The following DCP2 variants were observed in gnomAD, a reference collection of about 807,000 sequenced individuals.
The protein encoded by DCP2 is m7GpppN-mRNA hydrolase.
DCP2 carries 30 observed loss-of-function variants against 56.1 expected under a neutral mutation model. That is an observed-to-expected ratio of 0.53 (90% CI 0.40 to 0.73). The LOEUF is 0.73. Ranked by LOEUF, DCP2 falls within the 30% of genes least tolerant of loss-of-function variation. The pLI is 0.00. For synonymous variants in DCP2, 197 were observed against 163.3 expected (o/e 1.21, Z -1.57); for missense variants, 533 against 502.7 (o/e 1.06, Z -0.58).
At chr5:112,978,255 G>A (rs764340580) in intron 1 of DCP2, among the ~76,000 whole-genome samples, 2 of 152,168 alleles carry the variant, frequency 1.3e-5, no homozygotes, top group Non-Finnish European at 2.9e-5. Flanking sequence ...GATTACAGGC[G>A]TGAGCCATCG....
At chr5:112,977,825 A>C (rs1747789930) in intron 1 of DCP2, among the ~76,000 whole-genome samples, 1 of 152,202 alleles carries the variant, frequency 6.6e-6, no homozygotes, top group Admixed American at 6.5e-5. Context: ...GATTGTGATT[A>C]CAAGTGATAA....
chr5:112,988,381 A>G (rs536279628), intron 2 of DCP2, among the ~76,000 whole-genome samples: 1 of 149,878 alleles, frequency 6.7e-6, no homozygotes, highest in Non-Finnish European at 1.5e-5. Context: ...AGTCCCAGCT[A>G]CTCCGGAGGC....
chr5:113,020,867 GGTT>G lies in DCP2; in HGVS notation c.*7387_*7389del, dbSNP rs1314002721. 1 of 152,184 alleles carries G rather than the reference GGTT, an allele frequency of 6.6e-6. No individual in the cohort carries two copies. The highest frequency in any genetic ancestry group is 1.5e-5 in the Non-Finnish European group (1 of 68,032). 9.4% of individuals were successfully genotyped at this position (152,184 alleles called of 1,614,324 possible). On this transcript the variant is annotated 3_prime_UTR_variant, in exon 11 of 11. Transcript: ENST00000389063. Reference sequence around the variant, plus strand: ...ACAAAATACAATTTGAACGATGGAAGGTTGTTCAGATACTGGCTTTCTGTAAAA... The same window carrying G: ...ACAAAATACAATTTGAACGATGGAAGGTTCAGATACTGGCTTTCTGTAAAA...
chr5:112,984,397 A>T (rs1464485000), intron 1 of DCP2: 1 of 152,110 alleles, frequency 6.6e-6, no homozygotes, highest in South Asian at 2.1e-4. Flanking sequence ...CTTGAGTTGT[A>T]TATACTGGGC....
chr5:112,996,279 T>C (rs1748845072), intron 4 of DCP2, among the ~76,000 whole-genome samples: 1 of 152,232 alleles, frequency 6.6e-6, no homozygotes, highest in African/African-American at 2.4e-5. Context: ...AACCAGATGG[T>C]TATTCCATTC....
intron 1 of DCP2, among the ~76,000 whole-genome samples, chr5:112,982,967 C>A (rs181076368): frequency 1.6e-4 from 25 of 152,276 alleles, no homozygotes; most frequent in South Asian, 4.2e-4. Flanking sequence ...CTGGCTCTTA[C>A]ACTTGAGGGT....
At chr5:113,000,061 C>CAAAA (rs60251393) in intron 4 of DCP2, among the ~76,000 whole-genome samples, 41 of 89,804 alleles carry the variant, frequency 4.6e-4, no homozygotes, top group Non-Finnish European at 5.3e-4. Flanking sequence ...AACTCCATCT[C>CAAAA]AAAAAAAAAA....
At position 113,013,541 on chromosome 5, in the gene DCP2, G is replaced by C; in HGVS notation, c.*57G>C. 3 of 1,590,350 alleles carry C rather than the reference G, an allele frequency of 1.9e-6. No individual in the cohort carries two copies. The highest frequency in any genetic ancestry group is 2.6e-6 in the Non-Finnish European group (3 of 1,163,982). On this transcript the variant is annotated 3_prime_UTR_variant, in exon 11 of 11. Transcript: ENST00000389063. ...TCAGAGACCTGTTGAATTTGAGTGGGTGTCTCCTCAAGCCTTACCTTTCTC... is the reference window on the plus strand; with the variant it reads ...TCAGAGACCTGTTGAATTTGAGTGGCTGTCTCCTCAAGCCTTACCTTTCTC...
At chr5:112,990,836 A>G (rs1748554415) in intron 2 of DCP2, among the ~76,000 whole-genome samples, 1 of 152,174 alleles carries the variant, frequency 6.6e-6, no homozygotes, top group Non-Finnish European at 1.5e-5. Context: ...TAAATTACAG[A>G]ATTGTAGAAC....
At position 113,013,889 on chromosome 5, in the gene DCP2, A is replaced by G. The variant is rs1360825837; in HGVS notation, c.*405A>G. The G allele has an allele frequency of 6.4e-6, 1 of 155,460 alleles. No individual in the cohort carries two copies. The highest frequency in any genetic ancestry group is 1.4e-5 in the Non-Finnish European group (1 of 70,216). The allele number at this position is 155,460 out of a possible 1,614,324, so 9.6% of individuals were successfully genotyped here. On this transcript the variant is annotated 3_prime_UTR_variant, in exon 11 of 11. Transcript: ENST00000389063. ...GAGTTTTTCAAAGAAACTTAAAGTA[A>G]TGCCCAATTATTAAATGAACACAAG...
At chr5:113,000,203 C>A (rs1426089603) in intron 4 of DCP2, among the ~76,000 whole-genome samples, 2 of 152,118 alleles carry the variant, frequency 1.3e-5, no homozygotes, top group Admixed American at 1.3e-4. Flanking sequence ...AGTGATCCTC[C>A]CTCTTTGGCC....
intron 4 of DCP2, among the ~76,000 whole-genome samples, chr5:112,998,991 A>G (rs1260315693): frequency 6.6e-6 from 1 of 152,176 alleles, no homozygotes; most frequent in Non-Finnish European, 1.5e-5. Context: ...TTGCCTACCC[A>G]GGATCCAATC....
rs1378346690 is a variant in DCP2 at position 112,992,154 on chromosome 5, G to A, written c.239G>A (p.Gly80Asp). Residue 80 changes from glycine (G) to aspartate (D), a missense_variant, in exon 3 of 11, where the codon GGT becomes GAT. Coordinates refer to ENST00000389063, the MANE Select transcript of DCP2 (RefSeq NM_152624.6). ...FSHCPFLLPQ[G>D]EDVEKVLDEW... Reference sequence around the variant, plus strand: ...CATTGTCCGTTTTTGCTGCCTCAAGGTGAAGATGTGGAAAAAGTTTTGGAT... The same window carrying A: ...CATTGTCCGTTTTTGCTGCCTCAAGATGAAGATGTGGAAAAAGTTTTGGAT... 1.9e-6 allele frequency: 3 copies of A among 1,613,956 alleles called. No individual in the cohort carries two copies. The highest frequency in any genetic ancestry group is 2.7e-5 in the African/African-American group (2 of 75,022).
At chr5:113,012,407 T>C (rs1749713441) in intron 10 of DCP2, among the ~76,000 whole-genome samples, 1 of 152,198 alleles carries the variant, frequency 6.6e-6, no homozygotes, top group East Asian at 1.9e-4. Context: ...AGTTGGGCAT[T>C]ATATGAATAT....
rs1190927111 is a variant in DCP2, at chr5:113,021,905, T to C, written c.*8421T>C. Among the ~76,000 whole-genome samples the C allele has an allele frequency of 6.6e-6, 1 of 152,208 alleles. No individual in the cohort carries two copies. The highest frequency in any genetic ancestry group is 2.1e-4 in the South Asian group (1 of 4,828). ...ATAACTTCCTATTTATGCCAAATTTTAAAAAGCCAACTAAAAATGGGCTAT... is the reference window on the plus strand; with the variant it reads ...ATAACTTCCTATTTATGCCAAATTTCAAAAAGCCAACTAAAAATGGGCTAT... On this transcript the variant is annotated 3_prime_UTR_variant, in exon 11 of 11. Coordinates refer to ENST00000389063, the MANE Select transcript of DCP2 (RefSeq NM_152624.6).
At chr5:112,989,497 C>A (rs960268312) in intron 2 of DCP2, among the ~76,000 whole-genome samples, 9 of 150,354 alleles carry the variant, frequency 6.0e-5, no homozygotes, top group Non-Finnish European at 1.3e-4. Flanking sequence ...TGAGGAAAAT[C>A]GGAGGAAATG....
At chr5:112,999,530 G>T (rs1315840624) in intron 4 of DCP2, among the ~76,000 whole-genome samples, 2 of 151,558 alleles carry the variant, frequency 1.3e-5, no homozygotes, top group African/African-American at 4.8e-5. Flanking sequence ...GTTTCTCCAT[G>T]TTGGTCAGGC....
At chr5:113,007,632 C>A (rs988134314) in intron 8 of DCP2, among the ~76,000 whole-genome samples, 2 of 151,970 alleles carry the variant, frequency 1.3e-5, no homozygotes, top group African/African-American at 4.8e-5. Context: ...ATCTCAACCT[C>A]GTGATCCGCC....
rs1554101191 is a variant in DCP2, at chr5:113,005,145, C to CATGTGGGT, written c.942+1068_942+1069insATGTGGGT. 1.8e-3 allele frequency among the ~76,000 whole-genome samples: 10 copies of CATGTGGGT among 5,578 alleles called. No individual in the cohort carries two copies. In the South Asian group the frequency reaches 0.049, roughly 27 times the overall value. The allele number at this position is 5,578 out of a possible 152,430, so 3.7% of individuals were successfully genotyped here. A position where few individuals can be genotyped will look rare whatever the true frequency, so the allele number is the denominator to read the frequency against. ...ACTCTGTCTCAAAAAAAAAAGTGTGCGTGTGGGTGTGTGTGTGTGTGTGTA... is the reference window on the plus strand; with the variant it reads ...ACTCTGTCTCAAAAAAAAAAGTGTGCATGTGGGTGTGTGGGTGTGTGTGTGTGTGTGTA... On this transcript the variant is annotated intron_variant, in intron 8 of 10. Transcript: ENST00000389063.
Sources: gnomAD v4.1 joint callset for allele counts (sites outside exome capture counted in the v4.1 genomes callset) on GRCh38, gnomAD v4.1.1 for gene constraint, MANE v1.5 for transcripts, NCBI Gene and HGNC (gene_info 2026-07-23, HGNC 2026-07-21) for gene names.